Variants in RBFOX1 observed in about 807,000 individuals in gnomAD.
RBFOX1 encodes RNA binding fox-1 homolog 1.
RBFOX1 carries 8 observed loss-of-function variants against 57.7 expected under a neutral mutation model. The ratio of observed to expected loss-of-function variants is 0.14; its 90% CI spans 0.08 to 0.25. The LOEUF is 0.25. Ranked by LOEUF, RBFOX1 falls within the 10% of genes least tolerant of loss-of-function variation. RBFOX1 has a pLI of 1.00. For missense variants in RBFOX1, 611 were observed against 548.5 expected (o/e 1.11, Z -1.14); for synonymous variants, 326 against 222.4 (o/e 1.47, Z -4.15).
At chr16:6,314,244 G>A (rs12919930) in intron 1 of RBFOX1, among the ~76,000 whole-genome samples, 48,356 of 152,104 alleles carry the variant, frequency 0.32, 8,147 homozygotes, top group Middle Eastern at 0.41. Flanking sequence ...CCAATGTAGT[G>A]AGCAGTACAT....
intron 3 of RBFOX1, among the ~76,000 whole-genome samples, chr16:5,866,789 A>G (rs1368471379): frequency 6.6e-6 from 1 of 152,240 alleles, no homozygotes; most frequent in Non-Finnish European, 1.5e-5. Flanking sequence ...GAGATAAAAT[A>G]TATAAACAAC....
rs368897461 is a variant in RBFOX1, at chr16:7,033,842, G to C, written c.-15-18215G>C. Among the ~76,000 whole-genome samples the C allele has an allele frequency of 3.3e-4, 51 of 152,242 alleles. 2 individuals are homozygous for C. In the South Asian group the frequency reaches 0.01, roughly 30 times the overall value. On this transcript the variant is annotated intron_variant, in intron 3 of 15. Coordinates refer to ENST00000550418, the MANE Select transcript of RBFOX1 (RefSeq NM_018723.4). ...AAATTAGCCCACTAGAGTGGCATCT[G>C]CCTGTGGGCCCAGCTACTCAGGAGG...
chr16:7,329,449 C>A (rs1273090485), intron 4 of RBFOX1, among the ~76,000 whole-genome samples: 1 of 152,206 alleles, frequency 6.6e-6, no homozygotes, highest in African/African-American at 2.4e-5. Context: ...TAGTGTCGAC[C>A]TTCTAGAGGA....
Position 5,271,338 on chromosome 16 carries a change from CAGA to C in RBFOX1, c.219+31240_219+31242del, listed in dbSNP as rs557101163. 2.8e-3 allele frequency among the ~76,000 whole-genome samples: 422 copies of C among 149,140 alleles called. 1 individual carries two copies. The highest frequency in any genetic ancestry group is 9.6e-3 in the African/African-American group (391 of 40,652). ...TGACACTGCACTCCAGCCTGGATTGCAGAAGAAGACCCTGTCTCTTATGCATAC... is the reference window on the plus strand; with the variant it reads ...TGACACTGCACTCCAGCCTGGATTGCAGAAGACCCTGTCTCTTATGCATAC... On this transcript the variant is annotated intron_variant, in intron 1 of 2. Transcript: ENST00000585867.
chr16:7,685,714 A>C (rs1258451504), intron 14 of RBFOX1, among the ~76,000 whole-genome samples: 4 of 152,094 alleles, frequency 2.6e-5, no homozygotes, highest in Non-Finnish European at 5.9e-5. Context: ...TGCATTTAAA[A>C]ATGTAAGGTT....
At chr16:7,592,674 C>G (rs2094504251) in intron 7 of RBFOX1, among the ~76,000 whole-genome samples, 1 of 152,084 alleles carries the variant, frequency 6.6e-6, no homozygotes, top group South Asian at 2.1e-4. Flanking sequence ...GAAGTTAGGC[C>G]CATCAGGGAG....
intron 4 of RBFOX1, among the ~76,000 whole-genome samples, chr16:7,193,567 G>A (rs994772230): frequency 5.3e-5 from 8 of 152,208 alleles, no homozygotes; most frequent in African/African-American, 1.9e-4. Context: ...ATGCTCTTAT[G>A]AGCATTTTAC....
intron 4 of RBFOX1, among the ~76,000 whole-genome samples, chr16:7,068,843 C>G (rs2056267675): frequency 6.6e-6 from 1 of 152,228 alleles, no homozygotes; most frequent in African/African-American, 2.4e-5. Context: ...CCTGCCATGG[C>G]CTCCCAATGT....
intron 1 of RBFOX1, among the ~76,000 whole-genome samples, chr16:5,330,330 C>G (rs949119373): frequency 1.3e-5 from 2 of 152,122 alleles, no homozygotes; most frequent in African/African-American, 2.4e-5. Flanking sequence ...CTGGAATTTA[C>G]TAGAATAAAA....
At chr16:6,596,058 G>T (rs949966891) in intron 2 of RBFOX1, among the ~76,000 whole-genome samples, 1 of 151,862 alleles carries the variant, frequency 6.6e-6, no homozygotes, top group African/African-American at 2.4e-5. Context: ...AAAATATTCT[G>T]TTTCATTCTG....
At chr16:7,473,878 A>G (rs1391185295) in intron 4 of RBFOX1, among the ~76,000 whole-genome samples, 1 of 152,162 alleles carries the variant, frequency 6.6e-6, no homozygotes, top group Non-Finnish European at 1.5e-5. Flanking sequence ...CAAATTACCT[A>G]AGTGCCATCC....
chr16:5,455,110 C>G (rs965436737), intron 1 of RBFOX1, among the ~76,000 whole-genome samples: 12 of 150,660 alleles, frequency 8.0e-5, no homozygotes, highest in Non-Finnish European at 1.6e-4. Context: ...TTCTTTCTCT[C>G]TAAAGTACCT....
At chr16:6,866,790 C>T (rs1426275709) in intron 3 of RBFOX1, among the ~76,000 whole-genome samples, 2 of 151,900 alleles carry the variant, frequency 1.3e-5, no homozygotes, top group Non-Finnish European at 2.9e-5. Context: ...GATCTGCCTG[C>T]CTTGGCCTCC....
At chr16:7,431,666 A>G (rs1288825263) in intron 4 of RBFOX1, among the ~76,000 whole-genome samples, 1 of 152,222 alleles carries the variant, frequency 6.6e-6, no homozygotes, top group Non-Finnish European at 1.5e-5. Context: ...TTATTACTTC[A>G]AAAGGAACCC....
intron 4 of RBFOX1, among the ~76,000 whole-genome samples, chr16:7,053,950 G>A (rs908295863): frequency 6.6e-6 from 1 of 152,026 alleles, no homozygotes. Flanking sequence ...AATTTAAATA[G>A]TACCAAAGAG....
intron 3 of RBFOX1, among the ~76,000 whole-genome samples, chr16:5,727,103 A>G (rs1315313263): frequency 1.3e-5 from 2 of 152,268 alleles, no homozygotes; most frequent in East Asian, 3.9e-4. Context: ...TGCTAAAAAT[A>G]CAAAAATACA....
chr16:6,103,386 A>G lies in RBFOX1; in HGVS notation c.-127+83394A>G, dbSNP rs373097261. On this transcript the variant is annotated intron_variant, in intron 1 of 15. Transcript: ENST00000550418. ...TTAGATGACATATGTAAGATATCTA[A>G]CATATGTCTGATGTATCACGGTCAC... Among the ~76,000 whole-genome samples the G allele has an allele frequency of 5.5e-4, 83 of 152,270 alleles. 1 individual carries two copies. Among genetic ancestry groups the G allele is most frequent in the Admixed American group, 1.0e-3 (16 of 15,286 alleles).
chr16:5,983,523 A>C (rs1314860638), intron 4 of RBFOX1, among the ~76,000 whole-genome samples: 1 of 152,170 alleles, frequency 6.6e-6, no homozygotes. Context: ...GAAAAACCGC[A>C]CAGCCCAGTT....
intron 3 of RBFOX1, chr16:6,704,543 T>G (rs1292250365): frequency 1.3e-5 from 2 of 152,180 alleles, no homozygotes; most frequent in Non-Finnish European, 2.9e-5. Context: ...GGTCTGGAAG[T>G]TGTTGGAGGC....
Sources: gnomAD v4.1 joint callset for allele counts (sites outside exome capture counted in the v4.1 genomes callset) on GRCh38, gnomAD v4.1.1 for gene constraint, MANE v1.5 for transcripts, NCBI Gene and HGNC (gene_info 2026-07-23, HGNC 2026-07-21) for gene names.